Variants in CUL5 observed in about 807,000 individuals in gnomAD.
The protein encoded by CUL5 is cullin-5.
CUL5 carries 26 observed loss-of-function variants against 108.8 expected under a neutral mutation model. That is an observed-to-expected ratio of 0.24 (90% CI 0.18 to 0.33). CUL5 has a LOEUF of 0.33. Ranked by LOEUF, CUL5 falls within the 10% of genes least tolerant of loss-of-function variation. The probability of loss-of-function intolerance (pLI) is 1.00; values close to 1 mark genes in which losing one functional copy is unlikely to be tolerated. For synonymous variants in CUL5, 334 were observed against 298.0 expected (o/e 1.12, Z -1.25); for missense variants, 524 against 909.2 (o/e 0.58, Z 5.45).
At chr11:108,095,444 C>CT (rs1591333614) in intron 15 of CUL5, 86 bp from the exon 16 acceptor site, 2 of 975,172 alleles carry the variant, frequency 2.1e-6, no homozygotes, top group East Asian at 5.4e-5. Context: ...AGACAGCAAC[C>CT]TTTTTCATAT....
chr11:108,085,869 T>G (rs1864209713), intron 11 of CUL5, among the ~76,000 whole-genome samples: 1 of 152,176 alleles, frequency 6.6e-6, no homozygotes. Flanking sequence ...TTCTAAAATT[T>G]TATTATGGTG....
At chr11:108,042,114 GC>G (rs1260270061) in intron 2 of CUL5, among the ~76,000 whole-genome samples, 8 of 151,764 alleles carry the variant, frequency 5.3e-5, no homozygotes, top group Admixed American at 4.6e-4. Flanking sequence ...GGGTTAGTTT[GC>G]CCAATTTTTT....
At chr11:108,096,328 T>TAAA (rs71047670) in intron 16 of CUL5, among the ~76,000 whole-genome samples, 2 of 120,010 alleles carry the variant, frequency 1.7e-5, no homozygotes, top group African/African-American at 6.3e-5. Context: ...ATCCCATCTC[T>TAAA]AAAAAAAAAA....
chr11:108,039,719 T>C (rs531874237), intron 2 of CUL5, among the ~76,000 whole-genome samples: 1 of 152,348 alleles, frequency 6.6e-6, no homozygotes, highest in Non-Finnish European at 1.5e-5. Context: ...CGTATAGTAT[T>C]TGTCGTTTGG....
chr11:108,075,718 C>T (rs1863924827), intron 10 of CUL5, among the ~76,000 whole-genome samples: 1 of 152,084 alleles, frequency 6.6e-6, no homozygotes, highest in Non-Finnish European at 1.5e-5. Context: ...TAAAGTTTTT[C>T]TATAGAGACA....
At position 108,102,249 on chromosome 11, in the gene CUL5, C is replaced by A. The variant is rs577438388; in HGVS notation, c.2149-1941C>A. 4.6e-5 allele frequency among the ~76,000 whole-genome samples: 7 copies of A among 152,142 alleles called. No homozygotes were observed. The East Asian group carries it at 1.4e-3, about 29-fold the overall frequency. On this transcript the variant is annotated intron_variant, in intron 18 of 18. Coordinates refer to ENST00000393094, the MANE Select transcript of CUL5 (RefSeq NM_003478.6). ...TTCACCATGTTGGCCGGGCTGATCT[C>A]GAACTCCTGACTTCGTAATCCGCTC...
chr11:108,073,106 G>A (rs1254353465), intron 9 of CUL5, among the ~76,000 whole-genome samples: 3 of 151,774 alleles, frequency 2.0e-5, no homozygotes, highest in Admixed American at 2.0e-4. Context: ...GGAGGGTGAG[G>A]CAGGAGAATG....
intron 17 of CUL5, among the ~76,000 whole-genome samples, chr11:108,097,964 T>C (rs552748500): frequency 1.4e-4 from 21 of 152,362 alleles, no homozygotes; most frequent in South Asian, 1.0e-3. Context: ...TCTCTGACAT[T>C]ATACTGTATT....
At chr11:108,011,685 T>C (rs1051041352) in intron 1 of CUL5, among the ~76,000 whole-genome samples, 1 of 151,954 alleles carries the variant, frequency 6.6e-6, no homozygotes, top group Non-Finnish European at 1.5e-5. Context: ...TGGAGTTCAG[T>C]GGTGCGATCT....
chr11:108,094,918 A>G lies in CUL5; in HGVS notation c.1674A>G (p.Val558=). 4 of 1,613,550 alleles carry G rather than the reference A, an allele frequency of 2.5e-6. No individual in the cohort carries two copies. Among genetic ancestry groups the G allele is most frequent in the Non-Finnish European group, 3.4e-6 (4 of 1,179,594 alleles). ...AACTGGAGGACTTGATACCGGAAGT[A>G]GAAGAATTCTACAAAAAAAATCATA... ...PTELEDLIPE[V]EEFYKKNHSG... Residue 558 remains valine, a synonymous_variant, in exon 15 of 19, where the codon GTA becomes GTG. Coordinates refer to ENST00000393094, the MANE Select transcript of CUL5 (RefSeq NM_003478.6).
chr11:108,047,329 A>G (rs1863092354), intron 3 of CUL5, among the ~76,000 whole-genome samples: 1 of 152,166 alleles, frequency 6.6e-6, no homozygotes, highest in Non-Finnish European at 1.5e-5. Context: ...AAAAGGCAAA[A>G]AAACAAAAAG....
intron 8 of CUL5, among the ~76,000 whole-genome samples, chr11:108,071,624 G>A (rs1397981940): frequency 1.3e-5 from 2 of 152,060 alleles, no homozygotes; most frequent in Non-Finnish European, 2.9e-5. Flanking sequence ...ACGGCTCACT[G>A]CAGCCTCAGC....
At chr11:108,082,604 G>T (rs1456732900) in intron 11 of CUL5, among the ~76,000 whole-genome samples, 2 of 149,898 alleles carry the variant, frequency 1.3e-5, no homozygotes, top group African/African-American at 4.9e-5. Context: ...TTTTCTTCTG[G>T]ATTGTTCCTT....
intron 2 of CUL5, among the ~76,000 whole-genome samples, chr11:108,042,902 AC>A (rs144754171): frequency 0.35 from 53,397 of 151,520 alleles, 11,007 homozygotes; most frequent in Middle Eastern, 0.54. Flanking sequence ...ACCTGGGACT[AC>A]AGGAGCGCAC....
intron 2 of CUL5, among the ~76,000 whole-genome samples, chr11:108,044,264 C>G (rs1314574569): frequency 1.3e-5 from 2 of 152,126 alleles, no homozygotes; most frequent in South Asian, 4.1e-4. Flanking sequence ...TGCCTATATG[C>G]TGGCCCTTTG....
At chr11:108,083,480 T>C (rs1294892453) in intron 11 of CUL5, among the ~76,000 whole-genome samples, 1 of 152,238 alleles carries the variant, frequency 6.6e-6, no homozygotes, top group Non-Finnish European at 1.5e-5. Context: ...GTCCTACTTT[T>C]AGCTCCACAT....
intron 2 of CUL5, among the ~76,000 whole-genome samples, chr11:108,035,300 A>C (rs76078002): frequency 2.0e-3 from 300 of 152,314 alleles, no homozygotes; most frequent in African/African-American, 6.7e-3. Flanking sequence ...ACATAAGACC[A>C]ATCAGCAGCT....
intron 11 of CUL5, among the ~76,000 whole-genome samples, chr11:108,086,406 G>A (rs944887964): frequency 1.3e-5 from 2 of 152,138 alleles, no homozygotes; most frequent in Non-Finnish European, 2.9e-5. Flanking sequence ...CCTGAGCAAT[G>A]TATCTAGATG....
In CUL5 at chr11:108,030,290, G is replaced by A. The variant is rs536039676; in HGVS notation, c.25-3512G>A. Among the ~76,000 whole-genome samples the A allele has an allele frequency of 2.2e-4, 34 of 152,296 alleles. No individual in the cohort carries two copies. In the Middle Eastern group the frequency reaches 0.02, roughly 91 times the overall value. The stretch of plus-strand genomic sequence containing the variant: ...GAAACTAGTTGTTCAGGAGAGAAGC[G>A]TAGCTAATCCCAGTACTAAGTTTTT... On this transcript the variant is annotated intron_variant, in intron 1 of 18. Coordinates refer to ENST00000393094, the MANE Select transcript of CUL5 (RefSeq NM_003478.6).
Sources: allele counts gnomAD v4.1 joint callset (sites outside exome capture counted in the v4.1 genomes callset), GRCh38; gene constraint gnomAD v4.1.1; transcripts MANE v1.5; gene names NCBI Gene and HGNC (gene_info 2026-07-23, HGNC 2026-07-21).